FOXO1: variants seen among roughly 807,000 people sequenced by gnomAD.
FOXO1 encodes forkhead box O1, also known as forkhead box protein O1.
A neutral mutation model predicts 44.1 loss-of-function variants in FOXO1; 6 were observed. The ratio of observed to expected loss-of-function variants is 0.14; its 90% CI spans 0.07 to 0.27. The LOEUF (loss-of-function observed/expected upper bound fraction) is 0.27, where lower values mean the gene tolerates loss of function less well. Ranked by LOEUF, FOXO1 falls within the 10% of genes least tolerant of loss-of-function variation. The pLI, the probability that FOXO1 is intolerant of heterozygous loss-of-function variation, is 1.00. For missense variants in FOXO1, 737 were observed against 888.8 expected, an observed-to-expected ratio of 0.83 and a Z score of 2.17; for synonymous variants, 380 against 362.7, an observed-to-expected ratio of 1.05 and a Z score of -0.54.
At chr13:40,624,396 G>A (rs1374040039) in intron 1 of FOXO1, among the ~76,000 whole-genome samples, 1 of 148,366 alleles carries the variant, frequency 6.7e-6, no homozygotes, top group East Asian at 2.0e-4. Context: ...GGAGTTTCAT[G>A]AAAACTTACC....
chr13:40,661,064 T>TA (rs1470724320), intron 1 of FOXO1, among the ~76,000 whole-genome samples: 1 of 152,186 alleles, frequency 6.6e-6, no homozygotes, highest in Middle Eastern at 3.2e-3. Context: ...AAACCATGCG[T>TA]AAAAAGTAAA....
At chr13:40,608,823 T>C (rs1359288899) in intron 1 of FOXO1, among the ~76,000 whole-genome samples, 1 of 152,220 alleles carries the variant, frequency 6.6e-6, no homozygotes, top group African/African-American at 2.4e-5. Context: ...AATGCCTCCT[T>C]TTTCCTTCAA....
In FOXO1 at chr13:40,662,101, G is replaced by A. The variant is rs186118388; in HGVS notation, c.630+3482C>T. On this transcript the variant is annotated intron_variant, in intron 1 of 2. Transcript: ENST00000379561. Reference sequence around the variant, plus strand: ...CAGAAGAATTGCTTGAACCTGGGAGGCGGAGGTTGCAGCAAGCCGAGATTG... The same window carrying A: ...CAGAAGAATTGCTTGAACCTGGGAGACGGAGGTTGCAGCAAGCCGAGATTG... Among the ~76,000 whole-genome samples, 553 of 149,922 alleles carry A rather than the reference G, an allele frequency of 3.7e-3. 3 individuals carry two copies. Among genetic ancestry groups the A allele is most frequent in the Middle Eastern group, 0.01 (3 of 286 alleles).
chr13:40,641,648 C>T (rs1877357919), intron 1 of FOXO1, among the ~76,000 whole-genome samples: 1 of 151,876 alleles, frequency 6.6e-6, no homozygotes, highest in Non-Finnish European at 1.5e-5. Context: ...ATTCTCTTTG[C>T]TGTAGCAAAC....
chr13:40,628,852 C>T (rs1430422176), intron 1 of FOXO1, among the ~76,000 whole-genome samples: 2 of 152,224 alleles, frequency 1.3e-5, no homozygotes, highest in African/African-American at 4.8e-5. Context: ...ACAGACTCAC[C>T]TCTCACTCCC....
chr13:40,587,293 T>C (rs910606192), intron 1 of FOXO1, among the ~76,000 whole-genome samples: 12 of 132,730 alleles, frequency 9.0e-5, no homozygotes, highest in Middle Eastern at 4.0e-3. Context: ...AAAGTGGGAG[T>C]GGGCAGGGCG....
chr13:40,597,761 C>T (rs1168849541), intron 1 of FOXO1, among the ~76,000 whole-genome samples: 3 of 152,172 alleles, frequency 2.0e-5, no homozygotes, highest in African/African-American at 7.2e-5. Context: ...AGGGTGAAGG[C>T]GCCTCTCTCT....
At chr13:40,658,495 T>A (rs1217059082) in intron 1 of FOXO1, among the ~76,000 whole-genome samples, 1 of 152,148 alleles carries the variant, frequency 6.6e-6, no homozygotes, top group Non-Finnish European at 1.5e-5. Flanking sequence ...GAGATAAAAG[T>A]GGGACCTCCA....
chr13:40,637,094 T>C (rs1178073668), intron 1 of FOXO1, among the ~76,000 whole-genome samples: 2 of 152,130 alleles, frequency 1.3e-5, no homozygotes, highest in Non-Finnish European at 2.9e-5. Context: ...GACAGAAAGA[T>C]ACCCCAACTC....
rs1873814745 is a variant in FOXO1 at position 40,557,801 on chromosome 13, C to T, written c.*1248G>A. On this transcript the variant is annotated 3_prime_UTR_variant, in exon 3 of 3. Coordinates refer to ENST00000379561, the MANE Select transcript of FOXO1 (RefSeq NM_002015.4). ...TCCCTCGTTTGACAAAGGACCATTG[C>T]TTTAGATGCAGATCTCCCTTTTCTG... is the stretch of plus-strand genomic sequence containing the variant. 6.6e-6 allele frequency: 1 copy of T among 152,194 alleles called. No homozygotes were observed. Among genetic ancestry groups the T allele is most frequent in the Non-Finnish European group, 1.5e-5 (1 of 68,028 alleles). The allele number at this position is 152,194 out of a possible 1,614,324, so 9.4% of individuals were successfully genotyped here.
chr13:40,663,485 G>A (rs1878099787), intron 1 of FOXO1, among the ~76,000 whole-genome samples: 1 of 152,080 alleles, frequency 6.6e-6, no homozygotes, highest in African/African-American at 2.4e-5. Flanking sequence ...AAAGAATGGT[G>A]TAAGTACACA....
chr13:40,559,545 G>A lies in FOXO1; in HGVS notation c.1946C>T (p.Thr649Ile). The A allele has an allele frequency of 6.2e-7, 1 of 1,605,012 alleles. No homozygotes were observed. The highest frequency in any genetic ancestry group is 8.5e-7 in the Non-Finnish European group (1 of 1,174,454). ...CCCTCAGCCTGACACCCAGCTATGT[G>A]TCGTTGTCTTGACACTGTGTGGGAA... is the stretch of plus-strand genomic sequence containing the variant. ...QSFPHSVKTT[T>I]HSWVSG The change falls in exon 2 of 3, where the codon ACA (threonine) becomes ATA (isoleucine). Residue 649 changes from threonine (T) to isoleucine (I), a missense_variant. By Grantham distance (89) the Thr-to-Ile change is moderately conservative (BLOSUM62 -1). Transcript: ENST00000379561.
chr13:40,664,606 G>T (rs1202958430), intron 1 of FOXO1, among the ~76,000 whole-genome samples: 4 of 152,082 alleles, frequency 2.6e-5, no homozygotes, highest in Admixed American at 1.3e-4. Flanking sequence ...CAAGAATAGG[G>T]TGGCAAGGCA....
chr13:40,572,557 C>T (rs532778054), intron 1 of FOXO1, among the ~76,000 whole-genome samples: 1 of 152,348 alleles, frequency 6.6e-6, no homozygotes, highest in South Asian at 2.1e-4. Context: ...GCCCATTACT[C>T]TGTCTAGGAA....
chr13:40,646,326 C>G (rs1234572258), intron 1 of FOXO1, among the ~76,000 whole-genome samples: 1 of 137,638 alleles, frequency 7.3e-6, no homozygotes, highest in African/African-American at 2.8e-5. Context: ...GAGTCTCGCT[C>G]TGTCATCCAG....
intron 1 of FOXO1, among the ~76,000 whole-genome samples, chr13:40,613,030 A>G (rs1419974033): frequency 6.6e-6 from 1 of 152,232 alleles, no homozygotes; most frequent in Non-Finnish European, 1.5e-5. Context: ...AGCAAGACAG[A>G]GGTGAAGAAT....
In FOXO1 at chr13:40,608,924, G is replaced by A. The variant is rs79756373; in HGVS notation, c.631-48064C>T. On this transcript the variant is annotated intron_variant, in intron 1 of 2. Coordinates refer to ENST00000379561, the MANE Select transcript of FOXO1 (RefSeq NM_002015.4). ...TGGATCCTAGAGATAGGTGGGAAGG[G>A]GGTACGTGTATCTTCACTGCAGGTA... Among the ~76,000 whole-genome samples, 21 of 152,248 alleles carry A rather than the reference G, an allele frequency of 1.4e-4. No individual in the cohort carries two copies. In the East Asian group the frequency reaches 4.1e-3, roughly 29 times the overall value.
chr13:40,662,535 C>T (rs748134139), intron 1 of FOXO1, among the ~76,000 whole-genome samples: 3 of 152,192 alleles, frequency 2.0e-5, no homozygotes, highest in Non-Finnish European at 2.9e-5. Context: ...AATATTACAA[C>T]AAGTGTAAGA....
chr13:40,615,835 A>C (rs1049017689), intron 1 of FOXO1, among the ~76,000 whole-genome samples: 2 of 152,234 alleles, frequency 1.3e-5, no homozygotes, highest in Non-Finnish European at 2.9e-5. Flanking sequence ...AAATGACGTC[A>C]GGAGGGCTCG....
Sources: allele counts gnomAD v4.1 joint callset (sites outside exome capture counted in the v4.1 genomes callset), GRCh38; gene constraint gnomAD v4.1.1; transcripts MANE v1.5; gene names NCBI Gene and HGNC (gene_info 2026-07-23, HGNC 2026-07-21).